Variants in SH3KBP1 observed in about 807,000 individuals in gnomAD.
The protein encoded by SH3KBP1 is SH3 domain containing kinase binding protein 1.
Under a neutral mutation model 50.1 loss-of-function variants are expected in SH3KBP1, and 8 were observed. The observed-to-expected ratio is 0.16, with a 90% CI of 0.09 to 0.29. SH3KBP1 has a LOEUF of 0.29. SH3KBP1 is among the 10% of genes least tolerant of loss of function. SH3KBP1 has a pLI of 1.00. For missense variants in SH3KBP1, 377 were observed against 535.2 expected, an observed-to-expected ratio of 0.70 and a Z score of 2.92; for synonymous variants, 227 against 218.6, an observed-to-expected ratio of 1.04 and a Z score of -0.34.
intron 2 of SH3KBP1, among the ~76,000 whole-genome samples, chrX:19,779,777 A>G: frequency 9.6e-6 from 1 of 104,107 alleles, no homozygotes; most frequent in East Asian, 3.1e-4. Context: ...TTATGGCTGC[A>G]TAGTATTCCA....
chrX:19,857,949 C>T (rs983640761), intron 1 of SH3KBP1, among the ~76,000 whole-genome samples: 1 of 110,376 alleles, frequency 9.1e-6, no homozygotes, highest in South Asian at 3.8e-4. Flanking sequence ...GAGGCCGAGG[C>T]GGGTGGATCA....
chrX:19,644,515 A>C (rs2148392071), intron 7 of SH3KBP1, among the ~76,000 whole-genome samples: 1 of 111,981 alleles, frequency 8.9e-6, no homozygotes, highest in African/African-American at 3.2e-5. Context: ...TGTTTTAAAA[A>C]GAAAATATTT....
At chrX:19,828,006 TC>T (rs1301532981) in intron 2 of SH3KBP1, among the ~76,000 whole-genome samples, 12 of 108,752 alleles carry the variant, frequency 1.1e-4, no homozygotes, top group South Asian at 3.9e-4. Flanking sequence ...TAATAAACAC[TC>T]CCCCCCATCC....
intron 1 of SH3KBP1, among the ~76,000 whole-genome samples, chrX:19,870,227 A>G (rs2069003829): frequency 8.9e-6 from 1 of 112,941 alleles, no homozygotes; most frequent in Admixed American, 9.3e-5. Context: ...AAAAGAAGAA[A>G]GATGATTTTA....
At chrX:19,651,798 C>T (rs2062134754) in intron 6 of SH3KBP1, among the ~76,000 whole-genome samples, 2 of 111,712 alleles carry the variant, frequency 1.8e-5, no homozygotes, top group Admixed American at 9.5e-5. Flanking sequence ...AGTTCAAGAC[C>T]AGCGTGGGCA....
intron 2 of SH3KBP1, among the ~76,000 whole-genome samples, chrX:19,821,534 CTT>C (rs1243657637): frequency 9.2e-6 from 1 of 109,049 alleles, no homozygotes; most frequent in Admixed American, 9.8e-5. Flanking sequence ...GTTTAAAAAA[CTT>C]TTTTTTTTCT....
chrX:19,751,556 G>A lies in SH3KBP1; in HGVS notation c.163-5115C>T, dbSNP rs150478758. 5.4e-3 allele frequency among the ~76,000 whole-genome samples: 606 copies of A among 111,632 alleles called. 6 individuals are homozygous for A. Among genetic ancestry groups the A allele is most frequent in the African/African-American group, 0.019 (584 of 30,687 alleles). On this transcript the variant is annotated intron_variant, in intron 2 of 17. Transcript: ENST00000397821. ...GACAGGGTATCAGCAAACCTCTTCA[G>A]AAAGCAAAGGAAACCCAGCTTCTCT... is the stretch of plus-strand genomic sequence containing the variant.
intron 13 of SH3KBP1, among the ~76,000 whole-genome samples, chrX:19,566,102 T>C (rs1217967548): frequency 4.6e-5 from 5 of 109,806 alleles, no homozygotes; most frequent in African/African-American, 1.7e-4. Flanking sequence ...GATTGCACTG[T>C]TGCACTCCAG....
chrX:19,579,952 C>G (rs756001793), intron 12 of SH3KBP1, among the ~76,000 whole-genome samples: 4 of 111,926 alleles, frequency 3.6e-5, no homozygotes, highest in African/African-American at 9.7e-5. Context: ...AAGTGCCTCT[C>G]AAGTTGCCAG....
intron 14 of SH3KBP1, among the ~76,000 whole-genome samples, chrX:19,546,555 G>A (rs1032057613): frequency 1.2e-4 from 13 of 111,892 alleles, no homozygotes; most frequent in African/African-American, 3.9e-4. Context: ...TGCTGCATAC[G>A]GAAGTGCCCT....
intron 1 of SH3KBP1, among the ~76,000 whole-genome samples, chrX:19,872,270 A>G (rs1176630157): frequency 3.5e-4 from 29 of 83,727 alleles, no homozygotes; most frequent in African/African-American, 1.0e-3. Context: ...AAAAAAAAAA[A>G]AAAGAAAGAA....
At chrX:19,856,324 C>T (rs1200717427) in intron 1 of SH3KBP1, among the ~76,000 whole-genome samples, 1 of 111,720 alleles carries the variant, frequency 9.0e-6, no homozygotes, top group Non-Finnish European at 1.9e-5. Context: ...ATGCAATAAA[C>T]TACACTACCC....
At chrX:19,824,412 G>T (rs757761979) in intron 2 of SH3KBP1, among the ~76,000 whole-genome samples, 1 of 111,559 alleles carries the variant, frequency 9.0e-6, no homozygotes, top group Non-Finnish European at 1.9e-5. Flanking sequence ...CCAAGCTTTA[G>T]ATCAAGCAGC....
At chrX:19,695,883 G>A in intron 4 of SH3KBP1, 142 bp from the exon 5 acceptor site, 4 of 500,489 alleles carry the variant, frequency 8.0e-6, no homozygotes, top group Admixed American at 7.6e-5. Flanking sequence ...CAGGGAACAA[G>A]AAAAAAAGAC....
intron 1 of SH3KBP1, among the ~76,000 whole-genome samples, chrX:19,857,004 C>T (rs978972039): frequency 4.6e-5 from 3 of 64,718 alleles, no homozygotes; most frequent in Middle Eastern, 0.02. Flanking sequence ...GGAGAGTTCA[C>T]TTAAAAATGG....
At chrX:19,841,024 C>T (rs774336851) in intron 1 of SH3KBP1, among the ~76,000 whole-genome samples, 2 of 111,929 alleles carry the variant, frequency 1.8e-5, no homozygotes, top group Non-Finnish European at 3.8e-5. Context: ...AAACACTTCA[C>T]CCTCCCCTAT....
chrX:19,745,940 T>C (rs1234706658), intron 3 of SH3KBP1, among the ~76,000 whole-genome samples: 1 of 112,236 alleles, frequency 8.9e-6, no homozygotes, highest in African/African-American at 3.2e-5. Flanking sequence ...AGAAATAACT[T>C]GATAAGGTTT....
intron 2 of SH3KBP1, among the ~76,000 whole-genome samples, chrX:19,804,893 C>T (rs779191332): frequency 3.5e-5 from 3 of 86,887 alleles, no homozygotes; most frequent in Admixed American, 1.3e-4. Context: ...CCCCCCCCCC[C>T]CCACCCGCTG....
intron 1 of SH3KBP1, among the ~76,000 whole-genome samples, chrX:19,873,305 T>C (rs1603289707): frequency 1.0e-5 from 1 of 98,249 alleles, no homozygotes; most frequent in East Asian, 3.0e-4. Flanking sequence ...TATATATATA[T>C]ATATATACAT....
Sources: gnomAD v4.1 joint callset for allele counts (sites outside exome capture counted in the v4.1 genomes callset) on GRCh38, gnomAD v4.1.1 for gene constraint, MANE v1.5 for transcripts, NCBI Gene and HGNC (gene_info 2026-07-23, HGNC 2026-07-21) for gene names.